The following SLC5A7 variants were observed in gnomAD, a reference collection of about 807,000 sequenced individuals.
SLC5A7 encodes the protein high affinity choline transporter 1.
In SLC5A7, 19 loss-of-function variants were observed where a neutral mutation model predicts 55.4. The observed-to-expected ratio is 0.34, with a 90% CI of 0.24 to 0.50. The LOEUF is 0.50. Ranked by LOEUF, SLC5A7 falls within the 20% of genes least tolerant of loss-of-function variation. The probability of loss-of-function intolerance (pLI) is 0.98; values close to 1 mark genes in which losing one functional copy is unlikely to be tolerated. For synonymous variants in SLC5A7, 265 were observed against 263.7 expected (o/e 1.00, Z -0.05); for missense variants, 506 against 705.3 (o/e 0.72, Z 3.20).
intron 1 of SLC5A7, among the ~76,000 whole-genome samples, chr2:107,987,515 G>C (rs1422267707): frequency 2.1e-4 from 32 of 152,140 alleles, no homozygotes; most frequent in Admixed American, 2.0e-3. Flanking sequence ...ACAGAAGCTT[G>C]TTGAAAATGT....
chr2:107,989,852 A>G (rs952486839), intron 2 of SLC5A7, among the ~76,000 whole-genome samples: 2 of 152,198 alleles, frequency 1.3e-5, no homozygotes, highest in Non-Finnish European at 1.5e-5. Context: ...CATAAAAATA[A>G]TATTTTATAT....
rs1232883886 is a variant in SLC5A7, at chr2:108,012,414, T to C, written c.*1553T>C. 2 of 152,168 alleles carry C rather than the reference T, an allele frequency of 1.3e-5. No individual in the cohort carries two copies. The highest frequency in any genetic ancestry group is 2.4e-5 in the African/African-American group (1 of 41,454). The allele number at this position is 152,168 out of a possible 1,614,324, so 9.4% of individuals were successfully genotyped here. A position where few individuals can be genotyped will look rare whatever the true frequency, so the allele number is the denominator to read the frequency against. On this transcript the variant is annotated 3_prime_UTR_variant, in exon 9 of 9. Transcript: ENST00000264047. The stretch of plus-strand genomic sequence containing the variant: ...AACAAAATGAAGTTAACTTAGTGTT[T>C]AGCATTAAAAATAAAAGTTGTACCT...
chr2:108,010,202 A>G (rs748819730), intron 8 of SLC5A7, 30 bp from the exon 9 acceptor site: 1 of 1,598,560 alleles, frequency 6.3e-7, no homozygotes. Context: ...ACACTGTGCA[A>G]AAAGCTGACA....
chr2:108,000,152 C>T (rs918721747), intron 5 of SLC5A7, among the ~76,000 whole-genome samples: 1 of 152,112 alleles, frequency 6.6e-6, no homozygotes, highest in Non-Finnish European at 1.5e-5. Context: ...GATGTGGGTG[C>T]GAGTGTACAC....
intron 7 of SLC5A7, among the ~76,000 whole-genome samples, chr2:108,007,846 CA>C (rs1218384223): frequency 6.6e-6 from 1 of 152,166 alleles, no homozygotes; most frequent in Non-Finnish European, 1.5e-5. Flanking sequence ...GCTATGTATT[CA>C]AAGATAAATC....
intron 4 of SLC5A7, among the ~76,000 whole-genome samples, chr2:107,994,580 T>C (rs1045291869): frequency 2.6e-5 from 4 of 151,948 alleles, no homozygotes; most frequent in Non-Finnish European, 5.9e-5. Context: ...AGTGAGACTC[T>C]GTCTCAAAAA....
At chr2:108,001,812 T>C (rs999030728) in intron 5 of SLC5A7, 85 bp from the exon 6 acceptor site, 4 of 1,437,738 alleles carry the variant, frequency 2.8e-6, no homozygotes, top group Non-Finnish European at 3.8e-6. Context: ...TACTGAGCTG[T>C]GCAGTGTGTG....
intron 8 of SLC5A7, 117 bp downstream of exon 8, chr2:108,008,799 T>A: frequency 1.4e-6 from 1 of 698,052 alleles, no homozygotes; most frequent in East Asian, 3.0e-5. Context: ...TAAATCTGAC[T>A]GTACTTTAAG....
intron 4 of SLC5A7, among the ~76,000 whole-genome samples, chr2:107,995,902 G>T (rs964881424): frequency 6.6e-6 from 1 of 151,734 alleles, no homozygotes; most frequent in Non-Finnish European, 1.5e-5. Context: ...AATATTTCCT[G>T]GTATACCTCA....
chr2:107,999,678 T>C (rs937106721), intron 5 of SLC5A7, among the ~76,000 whole-genome samples: 2 of 152,148 alleles, frequency 1.3e-5, no homozygotes, highest in African/African-American at 2.4e-5. Flanking sequence ...TAGACCACCT[T>C]CTTTTCTCAA....
chr2:107,999,368 A>G (rs556960202), intron 5 of SLC5A7, among the ~76,000 whole-genome samples: 1 of 152,338 alleles, frequency 6.6e-6, no homozygotes, highest in African/African-American at 2.4e-5. Context: ...AGGTATTCCA[A>G]GAAACACAAC....
At position 108,008,595 on chromosome 2, in the gene SLC5A7, T is replaced by C. The variant is rs745405514; in HGVS notation, c.1026T>C (p.Ala342=). ...TCTTTGGTCTTGGTGCAGTTTCTGC[T>C]GCTGTTATGTCATCAGCAGATTCTT... ...ISFFGLGAVS[A]AVMSSADSSI... The change falls in exon 8 of 9, where the codon GCT becomes GCC. Residue 342 remains alanine, a synonymous_variant. Coordinates refer to ENST00000264047, the MANE Select transcript of SLC5A7 (RefSeq NM_021815.5). The C allele has an allele frequency of 6.8e-6, 11 of 1,613,598 alleles. No homozygotes were observed. The Admixed American group carries it at 1.8e-4, about 27-fold the overall frequency.
intron 4 of SLC5A7, among the ~76,000 whole-genome samples, chr2:107,994,502 C>T (rs770739714): frequency 1.8e-4 from 27 of 152,202 alleles, no homozygotes; most frequent in Admixed American, 3.9e-4. Context: ...AGGAGAATGG[C>T]GTGAACCCGG....
At chr2:108,010,194 A>G (rs769544975) in intron 8 of SLC5A7, 38 bp from the exon 9 acceptor site, 2 of 1,592,416 alleles carry the variant, frequency 1.3e-6, no homozygotes, top group East Asian at 4.5e-5. Flanking sequence ...GAGCCAAGAC[A>G]CTGTGCAAAA....
intron 2 of SLC5A7, among the ~76,000 whole-genome samples, chr2:107,991,580 C>T (rs1242122398): frequency 6.6e-6 from 1 of 152,142 alleles, no homozygotes; most frequent in African/African-American, 2.4e-5. Flanking sequence ...TACAAACATA[C>T]ACTCACCTAC....
In SLC5A7 at chr2:108,008,456, G is replaced by A; in HGVS notation, c.896-9G>A. 1 of 1,610,136 alleles carries A rather than the reference G, an allele frequency of 6.2e-7. No individual in the cohort carries two copies. The highest frequency in any genetic ancestry group is 8.5e-7 in the Non-Finnish European group (1 of 1,177,290). On this transcript the variant is annotated splice_polypyrimidine_tract_variant and intron_variant, in intron 7 of 8. Coordinates refer to ENST00000264047, the MANE Select transcript of SLC5A7 (RefSeq NM_021815.5). ...GGTGGTTATAATGGTTGTTGATTCT[G>A]TTCAACAGACTGGAACCAGACTGCA...
At chr2:108,005,666 C>T (rs1029881177) in intron 6 of SLC5A7, among the ~76,000 whole-genome samples, 10 of 152,132 alleles carry the variant, frequency 6.6e-5, no homozygotes, top group Admixed American at 1.3e-4. Context: ...ATCAAGGTGC[C>T]GGCAGATTCA....
In SLC5A7 at chr2:108,010,849, T is replaced by C. The variant is rs766941461; in HGVS notation, c.1731T>C (p.Asp577=). 3.6e-5 allele frequency: 56 copies of C among 1,576,652 alleles called. No homozygotes were observed. Among genetic ancestry groups the C allele is most frequent in the Middle Eastern group, 1.7e-4 (1 of 5,900 alleles). The change falls in exon 9 of 9, where the codon GAT becomes GAC. Residue 577 remains aspartate (D), a synonymous_variant. Transcript: ENST00000264047. ...GTCCAGAAGGGTCTGGGACTGAAGA[T>C]AATTTACAGTGACCCCATCTAAATA... The part of the protein sequence containing the change: ...DSSPEGSGTE[D]NLQ
At chr2:108,000,082 C>T (rs1467909300) in intron 5 of SLC5A7, among the ~76,000 whole-genome samples, 2 of 152,224 alleles carry the variant, frequency 1.3e-5, no homozygotes, top group Non-Finnish European at 2.9e-5. Flanking sequence ...TCCACACATC[C>T]ATCTTTATCT....
Sources: allele counts gnomAD v4.1 joint callset (sites outside exome capture counted in the v4.1 genomes callset), GRCh38; gene constraint gnomAD v4.1.1; transcripts MANE v1.5; gene names NCBI Gene and HGNC (gene_info 2026-07-23, HGNC 2026-07-21).